The following ERBIN variants were observed in gnomAD, a reference collection of about 807,000 sequenced individuals.
ERBIN encodes the protein densin-180-like protein.
A neutral mutation model predicts 158.4 loss-of-function variants in ERBIN; 60 were observed. The observed-to-expected ratio is 0.38, with a 90% CI of 0.31 to 0.47. The LOEUF is 0.47. Among genes scored for constraint, ERBIN ranks in the 20% least tolerant of loss-of-function variants. The pLI, the probability that ERBIN is intolerant of heterozygous loss-of-function variation, is 0.99. For missense variants in ERBIN, 1,610 were observed against 1,648.0 expected, an observed-to-expected ratio of 0.98 and a Z score of 0.40; for synonymous variants, 594 against 557.2, an observed-to-expected ratio of 1.07 and a Z score of -0.93.
intron 1 of ERBIN, among the ~76,000 whole-genome samples, chr5:65,977,640 G>A (rs1318335998): frequency 1.3e-5 from 2 of 151,558 alleles, no homozygotes; most frequent in African/African-American, 2.4e-5. Context: ...AGATGGGATG[G>A]TGGCCGGGCA....
chr5:66,079,507 AAC>A lies in ERBIN; in HGVS notation c.*981_*982del, dbSNP rs891339841. ...CCAGTTTTAAGATTGTGTTGCCTGT[AAC>A]ACAAAATGTTACGAAGGTTTAGGAA... On this transcript the variant is annotated 3_prime_UTR_variant, in exon 26 of 26. Coordinates refer to ENST00000284037, the MANE Select transcript of ERBIN (RefSeq NM_001253697.2). 1.3e-5 allele frequency: 2 copies of A among 152,502 alleles called. No individual in the cohort carries two copies. The highest frequency in any genetic ancestry group is 2.9e-5 in the Non-Finnish European group (2 of 68,026). The allele number at this position is 152,502 out of a possible 1,614,324, so 9.4% of individuals were successfully genotyped here. A position where few individuals can be genotyped will look rare whatever the true frequency, so the allele number is the denominator to read the frequency against.
At position 66,018,537 on chromosome 5, in the gene ERBIN, TAA is replaced by T. The variant is rs1445331869; in HGVS notation, c.534-2784_534-2783del. ...ATTATATAATATATATTATATTATA[TAA>T]TATATATTATATATTATATAATATA... On this transcript the variant is annotated intron_variant, in intron 7 of 25. Transcript: ENST00000284037. 1.2e-3 allele frequency among the ~76,000 whole-genome samples: 13 copies of T among 10,502 alleles called. 3 individuals are homozygous for T. The highest frequency in any genetic ancestry group is 2.2e-3 in the Non-Finnish European group (12 of 5,536). 6.9% of individuals were successfully genotyped at this position (10,502 alleles called of 152,430 possible).
chr5:66,005,929 A>T (rs1753540608), intron 4 of ERBIN, among the ~76,000 whole-genome samples: 1 of 152,342 alleles, frequency 6.6e-6, no homozygotes, highest in South Asian at 2.1e-4. Context: ...TTCCATGCTC[A>T]TGGGTAGGAA....
intron 4 of ERBIN, among the ~76,000 whole-genome samples, chr5:65,995,935 T>G (rs1421374449): frequency 6.6e-6 from 1 of 152,202 alleles, no homozygotes; most frequent in Non-Finnish European, 1.5e-5. Flanking sequence ...ATTCAGGTCA[T>G]TTGCTGATTT....
chr5:66,028,129 A>G, intron 13 of ERBIN, 145 bp from the exon 14 acceptor site: 1 of 522,064 alleles, frequency 1.9e-6, no homozygotes, highest in Non-Finnish European at 3.4e-6. Flanking sequence ...ACGAAGAATT[A>G]TATTGGACTT....
chr5:65,984,253 C>T (rs1438418640), intron 1 of ERBIN, among the ~76,000 whole-genome samples: 1 of 151,236 alleles, frequency 6.6e-6, no homozygotes, highest in Admixed American at 6.6e-5. Flanking sequence ...GGCAGTGGGG[C>T]CCCTGCCCAC....
At chr5:65,984,781 TC>T (rs895514420) in intron 1 of ERBIN, 1 of 152,070 alleles carries the variant, frequency 6.6e-6, no homozygotes, top group Non-Finnish European at 1.5e-5. Context: ...AGGATGCTAA[TC>T]CATGAAGGTG....
chr5:65,975,986 G>A (rs879418884), intron 1 of ERBIN, among the ~76,000 whole-genome samples: 12 of 152,080 alleles, frequency 7.9e-5, no homozygotes, highest in Non-Finnish European at 1.8e-4. Flanking sequence ...TTTCCATTTA[G>A]GGCTCCCTAA....
intron 1 of ERBIN, among the ~76,000 whole-genome samples, chr5:65,962,359 A>G (rs961688157): frequency 2.0e-5 from 3 of 152,240 alleles, no homozygotes; most frequent in Non-Finnish European, 2.9e-5. Flanking sequence ...GAATCCATCC[A>G]TAAGGCTTCA....
intron 7 of ERBIN, among the ~76,000 whole-genome samples, chr5:66,017,363 C>T (rs1754873771): frequency 6.6e-6 from 1 of 151,930 alleles, no homozygotes; most frequent in Admixed American, 6.6e-5. Flanking sequence ...TATTGCCTGT[C>T]TTTTTTGATA....
chr5:66,047,115 C>T (rs1758519918), intron 18 of ERBIN, among the ~76,000 whole-genome samples: 1 of 152,054 alleles, frequency 6.6e-6, no homozygotes, highest in African/African-American at 2.4e-5. Context: ...ATACTCTTTA[C>T]CTGTTACTCC....
intron 14 of ERBIN, among the ~76,000 whole-genome samples, chr5:66,031,862 A>G (rs991951048): frequency 6.6e-6 from 1 of 152,002 alleles, no homozygotes; most frequent in Non-Finnish European, 1.5e-5. Context: ...AAAAAGAGGA[A>G]TAGGATTTTT....
At chr5:65,983,535 A>G (rs2151022046) in intron 1 of ERBIN, among the ~76,000 whole-genome samples, 1 of 152,320 alleles carries the variant, frequency 6.6e-6, no homozygotes, top group East Asian at 1.9e-4. Context: ...CTTGGAACTA[A>G]GCACAAATAT....
chr5:66,054,622 G>A lies in ERBIN; in HGVS notation c.3304G>A (p.Gly1102Arg), dbSNP rs1351977991. The change falls in exon 21 of 26, where the codon GGA becomes AGA. Residue 1102 changes from glycine (G) to arginine (R), a missense_variant. Gly to Arg is a moderately radical substitution (Grantham distance 125). This residue lies in a region of ERBIN where 1,014 missense variants were observed against 936.1 expected (regional missense o/e 1.08). Transcript: ENST00000284037. ...GSTRRAQIPE[G>R]DYLSYREFHS... ...TACAAGGCGGGCTCAGATTCCTGAA[G>A]GAGATTATTTATCATACAGAGAGTT... 2 of 1,614,136 alleles carry A rather than the reference G, an allele frequency of 1.2e-6. No individual in the cohort carries two copies. The highest frequency in any genetic ancestry group is 3.3e-5 in the Admixed American group (2 of 60,012).
chr5:66,078,434 C>T lies in ERBIN; in HGVS notation c.4143C>T (p.Tyr1381=). The T allele has an allele frequency of 6.3e-7, 1 of 1,577,056 alleles. No individual in the cohort carries two copies. ...TTTTCCTCTTCTAGGCTAATGGCTA[C>T]AGTTTTATAAATATTGAACATGGAC... ...PGDKIIQANG[Y]SFINIEHGQA... is the part of the protein sequence containing the mutation. Residue 1381 remains tyrosine (Y), a synonymous_variant, in exon 26 of 26, where the codon TAC becomes TAT. Transcript: ENST00000284037.
rs774997688 is a variant in ERBIN at position 66,048,817 on chromosome 5, T to A, written c.1903+36T>A. 26 of 1,237,596 alleles carry A rather than the reference T, an allele frequency of 2.1e-5. No individual in the cohort carries two copies. In the African/African-American group the frequency reaches 4.1e-4, roughly 19 times the overall value. 76.7% of individuals were successfully genotyped at this position (1,237,596 alleles called of 1,614,324 possible). On this transcript the variant is annotated intron_variant, in intron 19 of 25. Coordinates refer to ENST00000284037, the MANE Select transcript of ERBIN (RefSeq NM_001253697.2). ...AAAGGAAAGTGCTAAGAATAGAAAT[T>A]GCCTCAATAAATTTATAAATTTTTT...
chr5:66,059,430 A>G (rs1361787363), intron 21 of ERBIN, among the ~76,000 whole-genome samples: 6 of 152,102 alleles, frequency 3.9e-5, no homozygotes, highest in Non-Finnish European at 7.4e-5. Context: ...GCTTAAGGAG[A>G]TTTTGGGCTG....
intron 7 of ERBIN, among the ~76,000 whole-genome samples, chr5:66,020,177 G>A (rs1755539132): frequency 6.6e-6 from 1 of 151,930 alleles, no homozygotes; most frequent in African/African-American, 2.4e-5. Context: ...AAGAGTTGAT[G>A]ACAGAATGGC....
intron 14 of ERBIN, among the ~76,000 whole-genome samples, chr5:66,033,321 G>C (rs918719987): frequency 6.6e-6 from 1 of 152,124 alleles, no homozygotes; most frequent in South Asian, 2.1e-4. Context: ...TTCTCAAAAG[G>C]AATTATATAA....
Sources: allele counts gnomAD v4.1 joint callset (sites outside exome capture counted in the v4.1 genomes callset), GRCh38; gene constraint gnomAD v4.1.1; regional missense constraint gnomAD v4.1.1; transcripts MANE v1.5; gene names NCBI Gene and HGNC (gene_info 2026-07-23, HGNC 2026-07-21).